The following GALNT12 variants were observed in gnomAD, a reference collection of about 807,000 sequenced individuals.
GALNT12 encodes UDP-GalNAc:polypeptide N-acetylgalactosaminyltransferase 12.
A neutral mutation model predicts 55.5 loss-of-function variants in GALNT12; 45 were observed. The observed-to-expected ratio is 0.81, with a 90% CI of 0.64 to 1.04. The LOEUF (loss-of-function observed/expected upper bound fraction) is 1.04. GALNT12 is among the 50% of genes least tolerant of loss of function. GALNT12 has a pLI of 0.00. For synonymous variants in GALNT12, 304 were observed against 312.2 expected (o/e 0.97, Z 0.28); for missense variants, 709 against 754.8 (o/e 0.94, Z 0.71).
chr9:98,848,696 G>A (rs1255707908), intron 9 of GALNT12: 2 of 536,402 alleles, frequency 3.7e-6, no homozygotes, highest in Non-Finnish European at 6.7e-6. Flanking sequence ...ATAGGGAGAT[G>A]TAGGGTATGA....
In GALNT12 at chr9:98,840,268, C is replaced by G. The variant is rs1564260773; in HGVS notation, c.1344+135C>G. ...CACTCCCACCCGCCTGCCCACCCCC[C>G]ACCACCTTTTTATCCACTGCCCTTC... On this transcript the variant is annotated intron_variant, in intron 7 of 9. Transcript: ENST00000375011. The G allele has an allele frequency of 1.3e-5, 13 of 1,011,524 alleles. No homozygotes were observed. In the South Asian group the frequency reaches 1.7e-4, roughly 13 times the overall value. 62.7% of individuals were successfully genotyped at this position (1,011,524 alleles called of 1,614,324 possible).
intron 2 of GALNT12, among the ~76,000 whole-genome samples, chr9:98,826,491 G>A (rs577813163): frequency 6.6e-6 from 1 of 152,254 alleles, no homozygotes; most frequent in African/African-American, 2.4e-5. Context: ...CCCATTTGAA[G>A]TGTACAATTC....
chr9:98,820,690 A>G (rs7861195), intron 1 of GALNT12, among the ~76,000 whole-genome samples: 82,662 of 152,044 alleles, frequency 0.54, 23,538 homozygotes, highest in African/African-American at 0.71. Flanking sequence ...TTCCACAATG[A>G]TTGAACTAAT....
intron 1 of GALNT12, among the ~76,000 whole-genome samples, chr9:98,818,592 A>G (rs1035205545): frequency 6.6e-6 from 1 of 151,964 alleles, no homozygotes; most frequent in African/African-American, 2.4e-5. Flanking sequence ...ATCAGGTGTG[A>G]CACTTTAATC....
chr9:98,842,973 T>C (rs1836329879), intron 7 of GALNT12, among the ~76,000 whole-genome samples: 1 of 152,206 alleles, frequency 6.6e-6, no homozygotes, highest in Admixed American at 6.5e-5. Context: ...CATATCTCAA[T>C]TTGGATTAGT....
chr9:98,817,799 A>C (rs1400860755), intron 1 of GALNT12, among the ~76,000 whole-genome samples: 1 of 152,114 alleles, frequency 6.6e-6, no homozygotes, highest in Non-Finnish European at 1.5e-5. Context: ...AGAAATAATG[A>C]GATTGAGGAG....
At chr9:98,809,608 G>A (rs1239101528) in intron 1 of GALNT12, among the ~76,000 whole-genome samples, 1 of 152,210 alleles carries the variant, frequency 6.6e-6, no homozygotes, top group Non-Finnish European at 1.5e-5. Flanking sequence ...CTACATAAAA[G>A]TGAGTGGAAA....
chr9:98,834,042 C>T (rs1317772286), intron 4 of GALNT12, among the ~76,000 whole-genome samples: 1 of 152,110 alleles, frequency 6.6e-6, no homozygotes, highest in Admixed American at 6.5e-5. Context: ...TCAGTTGGCC[C>T]CATGCTTGGA....
intron 1 of GALNT12, among the ~76,000 whole-genome samples, chr9:98,808,733 C>T (rs1015631196): frequency 1.3e-5 from 2 of 152,210 alleles, no homozygotes; most frequent in African/African-American, 2.4e-5. Flanking sequence ...AGGCCTAGTT[C>T]CTGTTGGAGC....
At chr9:98,842,195 G>A (rs945462719) in intron 7 of GALNT12, among the ~76,000 whole-genome samples, 5 of 150,474 alleles carry the variant, frequency 3.3e-5, no homozygotes, top group African/African-American at 9.8e-5. Flanking sequence ...TCTTTGTATT[G>A]TTTTTTGAGA....
chr9:98,824,634 G>A (rs1835819551), intron 2 of GALNT12, among the ~76,000 whole-genome samples: 1 of 152,174 alleles, frequency 6.6e-6, no homozygotes, highest in African/African-American at 2.4e-5. Context: ...CTGGGGTTTG[G>A]TGCTGACTAT....
At chr9:98,817,440 G>A (rs1379706981) in intron 1 of GALNT12, among the ~76,000 whole-genome samples, 1 of 152,014 alleles carries the variant, frequency 6.6e-6, no homozygotes, top group East Asian at 1.9e-4. Flanking sequence ...TTGGAGGGGG[G>A]ATGTTTCTTT....
intron 6 of GALNT12, 128 bp downstream of exon 6, chr9:98,837,276 A>C (rs10119864): frequency 3.4e-6 from 3 of 872,984 alleles, no homozygotes; most frequent in African/African-American, 3.3e-5. Context: ...GATACGAGTA[A>C]GGGGAGAATT....
At position 98,830,345 on chromosome 9, in the gene GALNT12, A is replaced by ATGT. The variant is rs556725040; in HGVS notation, c.732-1427_732-1426insTGT. On this transcript the variant is annotated intron_variant, in intron 3 of 9. Coordinates refer to ENST00000375011, the MANE Select transcript of GALNT12 (RefSeq NM_024642.5). ...GGTATTCTTGGTTGTCATGTCAACC[A>ATGT]GGTAGGGCTCCTGGCATTTTGTGTA... Among the ~76,000 whole-genome samples, 398 of 152,340 alleles carry ATGT rather than the reference A, an allele frequency of 2.6e-3. 1 individual carries two copies. The highest frequency in any genetic ancestry group is 4.1e-3 in the Non-Finnish European group (282 of 68,030).
chr9:98,828,368 A>G (rs1000971713), intron 3 of GALNT12, among the ~76,000 whole-genome samples: 1 of 152,126 alleles, frequency 6.6e-6, no homozygotes, highest in South Asian at 2.1e-4. Flanking sequence ...CTGGCCTGTG[A>G]TGGAGCTGGA....
chr9:98,816,980 A>G (rs1835627157), intron 1 of GALNT12, among the ~76,000 whole-genome samples: 1 of 151,846 alleles, frequency 6.6e-6, no homozygotes, highest in Non-Finnish European at 1.5e-5. Flanking sequence ...ACCAGCCACC[A>G]CGCCTGGCTA....
At chr9:98,811,458 G>A (rs888700639) in intron 1 of GALNT12, among the ~76,000 whole-genome samples, 1 of 152,162 alleles carries the variant, frequency 6.6e-6, no homozygotes, top group African/African-American at 2.4e-5. Context: ...CCTCAGGGCT[G>A]GACATTTCTT....
intron 5 of GALNT12, 116 bp from the exon 6 acceptor site, chr9:98,836,856 G>T (rs981557875): frequency 1.8e-5 from 20 of 1,095,296 alleles, no homozygotes; most frequent in Non-Finnish European, 2.2e-5. Flanking sequence ...TGGAGGCTGA[G>T]CATCTTGGCA....
At chr9:98,835,799 G>A (rs926942119) in intron 5 of GALNT12, among the ~76,000 whole-genome samples, 14 of 151,708 alleles carry the variant, frequency 9.2e-5, no homozygotes, top group African/African-American at 2.4e-4. Context: ...GCAGTGGCAC[G>A]ATCTCAGCTC....
Sources: allele counts gnomAD v4.1 joint callset (sites outside exome capture counted in the v4.1 genomes callset), GRCh38; gene constraint gnomAD v4.1.1; transcripts MANE v1.5; gene names NCBI Gene and HGNC (gene_info 2026-07-23, HGNC 2026-07-21).